The following AXDND1 variants were observed in gnomAD, a reference collection of about 807,000 sequenced individuals.
AXDND1 encodes the protein axonemal dynein light chain domain containing 1, also known as axonemal dynein light chain domain-containing protein 1.
Under a neutral mutation model 137.5 loss-of-function variants are expected in AXDND1, and 110 were observed. The observed-to-expected ratio is 0.80, with a 90% CI of 0.69 to 0.94. AXDND1 has a LOEUF of 0.94. AXDND1 is among the 40% of genes least tolerant of loss of function. The pLI, the probability that AXDND1 is intolerant of heterozygous loss-of-function variation, is 0.00. For synonymous variants in AXDND1, 414 were observed against 399.7 expected (o/e 1.04, Z -0.43); for missense variants, 1,191 against 1,169.8 (o/e 1.02, Z -0.26).
chr1:179,404,359 G>A (rs1418122104), intron 11 of AXDND1, among the ~76,000 whole-genome samples: 1 of 151,750 alleles, frequency 6.6e-6, no homozygotes, highest in African/African-American at 2.4e-5. Context: ...GTAGCTGGGA[G>A]TACAGGCATC....
At chr1:179,412,342 A>G (rs1469088050) in intron 12 of AXDND1, among the ~76,000 whole-genome samples, 1 of 152,194 alleles carries the variant, frequency 6.6e-6, no homozygotes, top group East Asian at 1.9e-4. Flanking sequence ...TTGATCCTCA[A>G]AAGATTAAAA....
chr1:179,486,090 G>T (rs1355288630), intron 18 of AXDND1, among the ~76,000 whole-genome samples: 4 of 119,094 alleles, frequency 3.4e-5, no homozygotes, highest in Non-Finnish European at 5.0e-5. Flanking sequence ...TTGCACTCCA[G>T]CCTGGGCAAC....
At chr1:179,419,667 G>A (rs1440512704) in intron 12 of AXDND1, among the ~76,000 whole-genome samples, 1 of 116,664 alleles carries the variant, frequency 8.6e-6, no homozygotes, top group Non-Finnish European at 1.8e-5. Context: ...GAGGGGGAGG[G>A]AGACAGAGAG....
At position 179,509,284 on chromosome 1, in the gene AXDND1, A is replaced by C; in HGVS notation, c.2389-12A>C. On this transcript the variant is annotated splice_polypyrimidine_tract_variant and intron_variant, in intron 20 of 25. Transcript: ENST00000367618. ...CTGGTTTTTCTGCTTGTAATCTTTT[A>C]TCTCTTCTCAGAAAGAATGTTATGA... 6.4e-7 allele frequency: 1 copy of C among 1,566,380 alleles called. No homozygotes were observed. Among genetic ancestry groups the C allele is most frequent in the Non-Finnish European group, 8.8e-7 (1 of 1,142,810 alleles).
chr1:179,531,753 C>A (rs1008365127), intron 23 of AXDND1, among the ~76,000 whole-genome samples: 1 of 152,106 alleles, frequency 6.6e-6, no homozygotes, highest in East Asian at 1.9e-4. Context: ...CATAGAGATG[C>A]AACCCAAAGC....
intron 20 of AXDND1, among the ~76,000 whole-genome samples, chr1:179,495,015 A>G (rs1381057993): frequency 3.3e-5 from 5 of 152,142 alleles, no homozygotes; most frequent in African/African-American, 1.2e-4. Flanking sequence ...CCTTTTAACC[A>G]TATATGTCTT....
At chr1:179,525,808 T>TATATACAC (rs149749029) in intron 22 of AXDND1, among the ~76,000 whole-genome samples, 2 of 151,492 alleles carry the variant, frequency 1.3e-5, no homozygotes, top group East Asian at 2.0e-4. Flanking sequence ...TATATATATA[T>TATATACAC]ACACAGACAT....
intron 25 of AXDND1, chr1:179,543,950 G>A (rs1335224153): frequency 6.6e-6 from 1 of 152,580 alleles, no homozygotes; most frequent in Admixed American, 6.5e-5. Context: ...ACCATGCAAG[G>A]ACGGTGCTCT....
intron 16 of AXDND1, among the ~76,000 whole-genome samples, chr1:179,446,593 T>TA (rs1305877431): frequency 1.3e-5 from 2 of 152,198 alleles, no homozygotes; most frequent in Non-Finnish European, 1.5e-5. Context: ...TACTTCTTTT[T>TA]AAAAAATGTC....
At chr1:179,478,713 G>T (rs1014672015) in intron 17 of AXDND1, among the ~76,000 whole-genome samples, 25 of 152,222 alleles carry the variant, frequency 1.6e-4, no homozygotes, top group Non-Finnish European at 5.9e-5. Flanking sequence ...TTCTGCAGCT[G>T]TCTTCAATTT....
At chr1:179,429,791 A>G (rs569424192) in intron 13 of AXDND1, among the ~76,000 whole-genome samples, 172 bp downstream of exon 13, 3 of 151,904 alleles carry the variant, frequency 2.0e-5, no homozygotes, top group African/African-American at 7.2e-5. Flanking sequence ...TTATTTCTCT[A>G]TATTTGTCTT....
chr1:179,531,685 G>T (rs1407891383), intron 23 of AXDND1, among the ~76,000 whole-genome samples: 1 of 152,148 alleles, frequency 6.6e-6, no homozygotes, highest in African/African-American at 2.4e-5. Flanking sequence ...TAGGGGTCCA[G>T]AACTGAATCC....
At chr1:179,374,510 A>G (rs1236230769) in intron 4 of AXDND1, among the ~76,000 whole-genome samples, 1 of 152,214 alleles carries the variant, frequency 6.6e-6, no homozygotes, top group Non-Finnish European at 1.5e-5. Flanking sequence ...ATGCTACTAT[A>G]AAGACACATG....
At chr1:179,476,038 G>C (rs1257137799) in intron 17 of AXDND1, among the ~76,000 whole-genome samples, 1 of 152,134 alleles carries the variant, frequency 6.6e-6, no homozygotes, top group Non-Finnish European at 1.5e-5. Flanking sequence ...CTTGTGAAGA[G>C]GTACTTGCTT....
intron 25 of AXDND1, among the ~76,000 whole-genome samples, chr1:179,540,368 A>T (rs1471914167): frequency 6.6e-6 from 1 of 151,870 alleles, no homozygotes; most frequent in Non-Finnish European, 1.5e-5. Context: ...TGACCTATGG[A>T]TGGGGTTTTG....
rs1647829213 is a variant in AXDND1, at chr1:179,379,407, T to A, written c.506T>A (p.Leu169Gln). Residue 169 changes from leucine (L) to glutamine (Q), a missense_variant, in exon 6 of 26, where the codon CTA becomes CAA. Physicochemically the swap from Leu to Gln is moderately radical, Grantham distance 113. Transcript: ENST00000367618. Reference sequence around the variant, plus strand: ...TTCTTTTCTTTTAAGCCAAAGACACTAACAGATACTTTGATTCCTGAAGAA... The same window carrying A: ...TTCTTTTCTTTTAAGCCAAAGACACAAACAGATACTTTGATTCCTGAAGAA... ...GVIVPHKPKT[L>Q]TDTLIPEEFH... 1 of 1,613,586 alleles carries A rather than the reference T, an allele frequency of 6.2e-7. No homozygotes were observed. The highest frequency in any genetic ancestry group is 8.5e-7 in the Non-Finnish European group (1 of 1,179,692).
intron 16 of AXDND1, among the ~76,000 whole-genome samples, chr1:179,460,007 C>T (rs955522497): frequency 8.8e-5 from 10 of 113,718 alleles, no homozygotes; most frequent in Admixed American, 8.8e-4. Context: ...TTCCTTCCTT[C>T]CTCTCCTTCC....
chr1:179,500,201 A>G (rs1667852028), intron 20 of AXDND1, among the ~76,000 whole-genome samples: 1 of 152,034 alleles, frequency 6.6e-6, no homozygotes, highest in East Asian at 1.9e-4. Context: ...GAACATGTTA[A>G]TTTTGTTCTA....
chr1:179,386,501 C>CT (rs1649249657), intron 9 of AXDND1, among the ~76,000 whole-genome samples: 1 of 151,978 alleles, frequency 6.6e-6, no homozygotes, highest in African/African-American at 2.4e-5. Flanking sequence ...TTGGCTATTT[C>CT]TTTAAGTGTT....
Sources: allele counts gnomAD v4.1 joint callset (sites outside exome capture counted in the v4.1 genomes callset), GRCh38; gene constraint gnomAD v4.1.1; transcripts MANE v1.5; gene names NCBI Gene and HGNC (gene_info 2026-07-23, HGNC 2026-07-21).